DPP6: variants seen among roughly 807,000 people sequenced by gnomAD.
DPP6 encodes the protein dipeptidyl peptidase like 6, also known as A-type potassium channel modulatory protein DPP6.
A neutral mutation model predicts 122.6 loss-of-function variants in DPP6; 69 were observed. The observed-to-expected ratio is 0.56, with a 90% CI of 0.46 to 0.69. The LOEUF is 0.69. Among genes scored for constraint, DPP6 ranks in the 30% least tolerant of loss-of-function variants. The pLI, the probability that DPP6 is intolerant of heterozygous loss-of-function variation, is 0.00. For missense variants in DPP6, 928 were observed against 1,116.9 expected (o/e 0.83, Z 2.41); for synonymous variants, 418 against 433.1 (o/e 0.97, Z 0.43).
chr7:154,347,800 T>C (rs1810521001), intron 1 of DPP6, among the ~76,000 whole-genome samples: 1 of 152,150 alleles, frequency 6.6e-6, no homozygotes, highest in South Asian at 2.1e-4. Context: ...CACAAAGTAG[T>C]TTTCTTTTTT....
intron 8 of DPP6, among the ~76,000 whole-genome samples, chr7:154,754,797 T>TA (rs375752065): frequency 0.011 from 1,666 of 152,152 alleles, 14 homozygotes; most frequent in Non-Finnish European, 0.018. Context: ...TATGCAGCCA[T>TA]AAAAAAGAAT....
chr7:154,526,742 G>T (rs974073188), intron 3 of DPP6, among the ~76,000 whole-genome samples: 1 of 152,072 alleles, frequency 6.6e-6, no homozygotes, highest in African/African-American at 2.4e-5. Flanking sequence ...CTTATAACTT[G>T]CCATACACAC....
intron 18 of DPP6, among the ~76,000 whole-genome samples, chr7:154,870,999 C>G (rs1180514477): frequency 2.0e-5 from 3 of 151,560 alleles, no homozygotes; most frequent in African/African-American, 7.3e-5. Context: ...GTGTGTTATC[C>G]CAGCCCAATG....
chr7:154,587,765 T>A, intron 5 of DPP6: 1 of 1,598,616 alleles, frequency 6.3e-7, no homozygotes, highest in Middle Eastern at 1.7e-4. Flanking sequence ...CTTCATTACA[T>A]CACCATGTCT....
intron 1 of DPP6, among the ~76,000 whole-genome samples, chr7:153,925,394 G>A (rs2215193): frequency 0.2 from 30,513 of 150,662 alleles, 3,196 homozygotes; most frequent in Middle Eastern, 0.26. Context: ...ATCCCGCATC[G>A]TGGAGGGTCC....
At chr7:154,884,264 TCACA>T (rs139055712) in intron 21 of DPP6, 4 of 144,610 alleles carry the variant, frequency 2.8e-5, no homozygotes, top group Non-Finnish European at 6.0e-5. Context: ...ATACACATGC[TCACA>T]CATACACATA....
chr7:154,252,213 C>T (rs1056744398), intron 1 of DPP6, among the ~76,000 whole-genome samples: 4 of 150,476 alleles, frequency 2.7e-5, no homozygotes, highest in Admixed American at 1.3e-4. Context: ...CACAATGTCA[C>T]GTGTGTGTGT....
chr7:154,744,239 C>A (rs189753928), intron 8 of DPP6, among the ~76,000 whole-genome samples: 2 of 152,300 alleles, frequency 1.3e-5, no homozygotes, highest in East Asian at 1.9e-4. Flanking sequence ...ACCCGCCCCC[C>A]AGTATAGAAG....
At chr7:154,440,829 G>T (rs879497906) in intron 1 of DPP6, among the ~76,000 whole-genome samples, 1 of 152,112 alleles carries the variant, frequency 6.6e-6, no homozygotes, top group African/African-American at 2.4e-5. Flanking sequence ...ATTGCCAGCT[G>T]TCCCCAATGT....
chr7:154,324,239 G>A (rs1440515504), intron 1 of DPP6, among the ~76,000 whole-genome samples: 3 of 152,140 alleles, frequency 2.0e-5, no homozygotes, highest in South Asian at 2.1e-4. Context: ...AGGTTGCTTG[G>A]GGAGCTGATG....
chr7:154,371,206 T>C (rs756523240), intron 1 of DPP6, among the ~76,000 whole-genome samples: 5 of 151,490 alleles, frequency 3.3e-5, no homozygotes, highest in African/African-American at 4.9e-5. Flanking sequence ...GGCAAAACCC[T>C]GTGTCTACTA....
intron 1 of DPP6, among the ~76,000 whole-genome samples, chr7:154,315,398 G>C (rs1807346335): frequency 6.6e-6 from 1 of 152,094 alleles, no homozygotes; most frequent in Non-Finnish European, 1.5e-5. Context: ...TAACACTTTT[G>C]AGGATCTGAT....
chr7:154,652,857 C>A (rs1253333805), intron 6 of DPP6, among the ~76,000 whole-genome samples: 1 of 152,046 alleles, frequency 6.6e-6, no homozygotes, highest in Admixed American at 6.6e-5. Flanking sequence ...GGAGCTGATA[C>A]CAGCGAACGG....
At chr7:154,300,824 G>C (rs146519902) in intron 1 of DPP6, among the ~76,000 whole-genome samples, 19 of 152,272 alleles carry the variant, frequency 1.2e-4, no homozygotes, top group African/African-American at 4.6e-4. Flanking sequence ...GGGCTGTTGG[G>C]TCCCCCAAAA....
At position 153,910,234 on chromosome 7, in the gene DPP6, C is replaced by CTTTTTTCTT. The variant is rs750065238; in HGVS notation, c.51+22506_51+22507insCTTTTTTTT. Among the ~76,000 whole-genome samples the CTTTTTTCTT allele has an allele frequency of 9.4e-5, 13 of 137,752 alleles. 1 individual carries two copies. Among genetic ancestry groups the CTTTTTTCTT allele is most frequent in the East Asian group, 2.1e-4 (1 of 4,792 alleles). The allele number at this position is 137,752 out of a possible 152,430, so 90.4% of individuals were successfully genotyped here. ...ACTTTTTTGACCACTTTCTTTCTTT[C>CTTTTTTCTT]TTTTTTTTTTTTTGAGATGGAGTCT... On this transcript the variant is annotated intron_variant, in intron 1 of 25. Coordinates refer to the DPP6 transcript ENST00000404039.
chr7:154,126,510 C>A (rs540011388), intron 1 of DPP6, among the ~76,000 whole-genome samples: 1 of 151,460 alleles, frequency 6.6e-6, no homozygotes, highest in Non-Finnish European at 1.5e-5. Context: ...CAAGGAGAGA[C>A]CAGGAGCCTG....
chr7:154,065,423 C>T (rs920505314), intron 1 of DPP6, among the ~76,000 whole-genome samples: 1 of 151,260 alleles, frequency 6.6e-6, no homozygotes, highest in African/African-American at 2.4e-5. Flanking sequence ...AGCCTGAGTG[C>T]CCACATTCCA....
intron 16 of DPP6, among the ~76,000 whole-genome samples, chr7:154,820,100 C>T (rs1165595020): frequency 2.0e-5 from 3 of 152,322 alleles, no homozygotes; most frequent in South Asian, 2.1e-4. Flanking sequence ...CATCAGAATC[C>T]GCATTCACGG....
the DPP6 span, among the ~76,000 whole-genome samples, chr7:153,785,280 C>T: frequency 5.5e-4 from 84 of 152,126 alleles, 1 homozygote; most frequent in African/African-American, 1.6e-3. Context: ...CTAGTGTAAC[C>T]AGCATGTTAT....
Sources: allele counts gnomAD v4.1 joint callset (sites outside exome capture counted in the v4.1 genomes callset), GRCh38; gene constraint gnomAD v4.1.1; transcripts MANE v1.5; gene names NCBI Gene and HGNC (gene_info 2026-07-23, HGNC 2026-07-21).